Variants in SEZ6L observed in about 807,000 individuals in gnomAD.
SEZ6L encodes the protein seizure related 6 homolog like.
A neutral mutation model predicts 106.2 loss-of-function variants in SEZ6L; 37 were observed. That is an observed-to-expected ratio of 0.35 (90% confidence interval 0.27 to 0.46). The LOEUF (loss-of-function observed/expected upper bound fraction) is 0.46. SEZ6L is among the 20% of genes least tolerant of loss of function. The pLI is 1.00. For synonymous variants in SEZ6L, 541 were observed against 570.4 expected (o/e 0.95, Z 0.73); for missense variants, 1,172 against 1,332.8 (o/e 0.88, Z 1.88).
intron 9 of SEZ6L, among the ~76,000 whole-genome samples, chr22:26,334,278 C>G (rs1470704595): frequency 1.3e-5 from 2 of 152,112 alleles, no homozygotes; most frequent in African/African-American, 4.8e-5. Context: ...AATTGTTCCG[C>G]ATTCTTCTCC....
chr22:26,348,017 A>T, intron 11 of SEZ6L, 104 bp downstream of exon 11: 1 of 849,336 alleles, frequency 1.2e-6, no homozygotes, highest in Non-Finnish European at 1.7e-6. Flanking sequence ...TAGAATCTGG[A>T]CTCCCCCTCC....
Position 26,313,767 on chromosome 22 carries a change from T to A in SEZ6L, c.1880T>A (p.Met627Lys). The A allele has an allele frequency of 6.2e-7, 1 of 1,606,842 alleles. No individual in the cohort carries two copies. Among genetic ancestry groups the A allele is most frequent in the South Asian group, 1.1e-5 (1 of 90,886 alleles). Reference protein sequence around the residue: ...WNDTEPLCRAMCGGELSAVAG... With the variant: ...WNDTEPLCRAKCGGELSAVAG... Reference sequence around the variant, plus strand: ...CTTGCCTGTCTGTCTTTTACAGCCATGTGTGGTGGGGAGCTCTCTGCTGTG... The same window carrying A: ...CTTGCCTGTCTGTCTTTTACAGCCAAGTGTGGTGGGGAGCTCTCTGCTGTG... Residue 627 changes from methionine to lysine, a missense_variant, in exon 9 of 17, where the codon ATG (methionine) becomes AAG (lysine). Met to Lys is a moderately conservative substitution (Grantham distance 95). Around this residue, in one of 4 missense-constraint regions of SEZ6L, gnomAD observed 534 missense variants for 691.0 expected, o/e 0.77. Coordinates refer to ENST00000248933, the MANE Select transcript of SEZ6L (RefSeq NM_021115.5).
chr22:26,170,007 C>T (rs1259305089), intron 1 of SEZ6L, among the ~76,000 whole-genome samples: 1 of 152,168 alleles, frequency 6.6e-6, no homozygotes, highest in Non-Finnish European at 1.5e-5. Flanking sequence ...CCCTTTCGGT[C>T]TTCCCCGGCT....
At chr22:26,311,598 C>T (rs2081833256) in intron 7 of SEZ6L, among the ~76,000 whole-genome samples, 170 bp from the exon 8 acceptor site, 1 of 152,198 alleles carries the variant, frequency 6.6e-6, no homozygotes, top group African/African-American at 2.4e-5. Flanking sequence ...AAGGAGTCAA[C>T]TGGGTGGCCC....
chr22:26,324,834 T>C (rs796719623), intron 9 of SEZ6L, among the ~76,000 whole-genome samples: 5 of 152,320 alleles, frequency 3.3e-5, no homozygotes, highest in African/African-American at 1.2e-4. Context: ...AAGACCACTC[T>C]ATCAGTCAGC....
At chr22:26,259,355 A>G (rs2079925416) in intron 1 of SEZ6L, among the ~76,000 whole-genome samples, 2 of 152,214 alleles carry the variant, frequency 1.3e-5, no homozygotes, top group Non-Finnish European at 2.9e-5. Context: ...AATGATTTCA[A>G]AATAGAGTTT....
intron 1 of SEZ6L, among the ~76,000 whole-genome samples, chr22:26,265,726 G>A (rs2080154656): frequency 1.1e-4 from 17 of 152,186 alleles, no homozygotes. Flanking sequence ...TCTTCAAATA[G>A]AATAAACCAG....
At chr22:26,174,276 G>A (rs1163298937) in intron 1 of SEZ6L, among the ~76,000 whole-genome samples, 4 of 152,142 alleles carry the variant, frequency 2.6e-5, no homozygotes, top group African/African-American at 7.2e-5. Flanking sequence ...GGTACCAGCA[G>A]CCAGAGGAGA....
chr22:26,274,887 T>G lies in SEZ6L; in HGVS notation c.95-17519T>G, dbSNP rs9620601. On this transcript the variant is annotated intron_variant, in intron 1 of 16. Coordinates refer to ENST00000248933, the MANE Select transcript of SEZ6L (RefSeq NM_021115.5). ...TCACACAGGCATGATTGACCACTCA[T>G]GTGGCTACCGTTAGTCTCCAGCCTC... is the stretch of plus-strand genomic sequence containing the variant. Among the ~76,000 whole-genome samples the G allele has an allele frequency of 6.8e-3, 1,034 of 152,334 alleles. 12 individuals carry two copies. Among genetic ancestry groups the G allele is most frequent in the African/African-American group, 0.022 (914 of 41,570 alleles).
intron 1 of SEZ6L, among the ~76,000 whole-genome samples, chr22:26,228,031 C>A (rs1372890874): frequency 6.6e-6 from 1 of 152,162 alleles, no homozygotes; most frequent in African/African-American, 2.4e-5. Flanking sequence ...GGACAGGGAG[C>A]CTGCTTCCTC....
chr22:26,348,590 A>AAGAAAGAAAGAAAGAAAG (rs2083102929), intron 11 of SEZ6L, among the ~76,000 whole-genome samples: 1 of 67,482 alleles, frequency 1.5e-5, no homozygotes, highest in African/African-American at 9.9e-5. Flanking sequence ...AAGAAAGAGA[A>AAGAAAGAAAGAAAGAAAG]AGAAAGAAAG....
intron 9 of SEZ6L, among the ~76,000 whole-genome samples, chr22:26,326,099 C>T (rs572777850): frequency 6.6e-6 from 1 of 152,168 alleles, no homozygotes; most frequent in Non-Finnish European, 1.5e-5. Context: ...CTTGGAAACA[C>T]AAGCACCAGG....
At chr22:26,237,710 T>C (rs2078994567) in intron 1 of SEZ6L, among the ~76,000 whole-genome samples, 1 of 152,220 alleles carries the variant, frequency 6.6e-6, no homozygotes, top group African/African-American at 2.4e-5. Flanking sequence ...TGGATATTAA[T>C]GATGAAATGG....
rs147096529 is a variant in SEZ6L at position 26,228,800 on chromosome 22, G to A, written c.94+59037G>A. ...AAAAGAAACTTCCACGAGGTCCCAC[G>A]GCTATTCATTGGCTGCACCAGAAGA... On this transcript the variant is annotated intron_variant, in intron 1 of 16. Transcript: ENST00000248933. Among the ~76,000 whole-genome samples, 5 of 152,216 alleles carry A rather than the reference G, an allele frequency of 3.3e-5. No homozygotes were observed. The South Asian group carries it at 8.3e-4, about 25-fold the overall frequency.
At chr22:26,219,992 C>A (rs1300817534) in intron 1 of SEZ6L, among the ~76,000 whole-genome samples, 5 of 152,180 alleles carry the variant, frequency 3.3e-5, no homozygotes, top group Admixed American at 6.6e-5. Flanking sequence ...GTCTTTCCAA[C>A]AGCACACCAG....
chr22:26,313,662 G>A (rs1443464571), intron 8 of SEZ6L, 102 bp from the exon 9 acceptor site: 1 of 1,406,294 alleles, frequency 7.1e-7, no homozygotes, highest in Non-Finnish European at 9.9e-7. Flanking sequence ...AGTACACAGA[G>A]ATTCACGGCT....
At chr22:26,314,110 A>C (rs1303115505) in intron 9 of SEZ6L, among the ~76,000 whole-genome samples, 1 of 146,992 alleles carries the variant, frequency 6.8e-6, no homozygotes, top group South Asian at 2.1e-4. Context: ...AGAGAGAGAG[A>C]GGAGAGAGAG....
chr22:26,350,230 T>TATACACATATATATATATATATATA (rs1294201857), intron 11 of SEZ6L, among the ~76,000 whole-genome samples: 1 of 144,722 alleles, frequency 6.9e-6, no homozygotes, highest in African/African-American at 2.6e-5. Context: ...ATATATATAT[T>TATACACATATATATATATATATATA]TATATGTATT....
intron 1 of SEZ6L, among the ~76,000 whole-genome samples, chr22:26,263,542 C>T (rs1013706008): frequency 3.3e-5 from 5 of 152,190 alleles, no homozygotes; most frequent in African/African-American, 1.2e-4. Flanking sequence ...TGCCATAATG[C>T]CTTTATTGAC....
Sources: gnomAD v4.1 joint callset for allele counts (sites outside exome capture counted in the v4.1 genomes callset) on GRCh38, gnomAD v4.1.1 for gene constraint, gnomAD v4.1.1 regional missense constraint, MANE v1.5 for transcripts, NCBI Gene and HGNC (gene_info 2026-07-23, HGNC 2026-07-21) for gene names.